Variants in CYTH3 observed in about 807,000 individuals in gnomAD.
CYTH3 encodes cytohesin 3, also known as cytohesin-3.
Under a neutral mutation model 55.1 loss-of-function variants are expected in CYTH3, and 23 were observed. The observed-to-expected ratio is 0.42, with a 90% confidence interval of 0.30 to 0.59. The LOEUF is 0.59. Ranked by LOEUF, CYTH3 falls within the 20% of genes least tolerant of loss-of-function variation. CYTH3 has a pLI of 0.20. For synonymous variants in CYTH3, 249 were observed against 194.9 expected, an observed-to-expected ratio of 1.28 and a Z score of -2.31; for missense variants, 413 against 524.8, an observed-to-expected ratio of 0.79 and a Z score of 2.08.
At chr7:6,259,813 AATATATATAT>A (rs1207550144) in intron 1 of CYTH3, among the ~76,000 whole-genome samples, 2 of 25,454 alleles carry the variant, frequency 7.9e-5, no homozygotes, top group Non-Finnish European at 1.1e-4. Context: ...ATATATATAT[AATATATATAT>A]ATATATATAT....
At chr7:6,195,098 C>T (rs1421723999) in intron 1 of CYTH3, among the ~76,000 whole-genome samples, 2 of 152,080 alleles carry the variant, frequency 1.3e-5, no homozygotes, top group Admixed American at 6.6e-5. Context: ...AAAAGCTGTT[C>T]ATCACAGAAA....
chr7:6,257,149 C>T (rs1013207805), intron 1 of CYTH3, among the ~76,000 whole-genome samples: 1 of 152,074 alleles, frequency 6.6e-6, no homozygotes, highest in Non-Finnish European at 1.5e-5. Context: ...CATTTATTCT[C>T]GAAATGTGTC....
At chr7:6,187,756 G>A in intron 2 of CYTH3, 35 bp from the exon 3 acceptor site, 2 of 1,568,348 alleles carry the variant, frequency 1.3e-6, no homozygotes, top group South Asian at 1.1e-5. Context: ...GTGGGGAGTG[G>A]GTCTTAACCT....
chr7:6,258,935 G>A (rs1198418011), intron 1 of CYTH3, among the ~76,000 whole-genome samples: 1 of 152,114 alleles, frequency 6.6e-6, no homozygotes, highest in African/African-American at 2.4e-5. Context: ...CAACCCAGAT[G>A]TTCACTAAAA....
chr7:6,272,574 C>T lies in CYTH3; in HGVS notation c.-67G>A. 8.7e-7 allele frequency: 1 copy of T among 1,143,470 alleles called. No homozygotes were observed. The highest frequency in any genetic ancestry group is 1.1e-6 in the Non-Finnish European group (1 of 929,202). 70.8% of individuals were successfully genotyped at this position (1,143,470 alleles called of 1,614,324 possible). On this transcript the variant is annotated 5_prime_UTR_variant, in exon 1 of 13. Transcript: ENST00000350796. ...CAGAGGGGCCGCGGGCTGGGGACGC[C>T]GCCGGAGGGAGCGCGCAGGCGACCG...
In CYTH3 at chr7:6,185,507, T is replaced by C. The variant is rs528356550; in HGVS notation, c.249+1543A>G. On this transcript the variant is annotated intron_variant, in intron 4 of 12. Coordinates refer to ENST00000350796, the MANE Select transcript of CYTH3 (RefSeq NM_004227.4). The stretch of plus-strand genomic sequence containing the variant: ...GTCAGGAGATCGAGACCATCCTAGC[T>C]AACACAGTGAAACCCCGTCTCTACT... 2.5e-4 allele frequency among the ~76,000 whole-genome samples: 38 copies of C among 152,038 alleles called. No homozygotes were observed. In the East Asian group the frequency reaches 4.5e-3, roughly 18 times the overall value.
chr7:6,263,090 C>A (rs11768749), intron 1 of CYTH3, among the ~76,000 whole-genome samples: 9,546 of 152,194 alleles, frequency 0.063, 807 homozygotes, highest in African/African-American at 0.19. Context: ...TCCAAGCTGA[C>A]AGTATGTCCA....
intron 1 of CYTH3, among the ~76,000 whole-genome samples, chr7:6,224,952 C>G (rs1779203138): frequency 6.6e-6 from 1 of 152,108 alleles, no homozygotes; most frequent in Non-Finnish European, 1.5e-5. Flanking sequence ...TGCAAAAGAC[C>G]ACATACTGCT....
At chr7:6,229,140 C>A (rs1033697422) in intron 1 of CYTH3, among the ~76,000 whole-genome samples, 2 of 152,208 alleles carry the variant, frequency 1.3e-5, no homozygotes, top group East Asian at 3.9e-4. Context: ...GTGTAGAGGA[C>A]CTAAAGAGGA....
At chr7:6,219,352 G>C (rs1274589219) in intron 1 of CYTH3, among the ~76,000 whole-genome samples, 1 of 152,202 alleles carries the variant, frequency 6.6e-6, no homozygotes, top group East Asian at 1.9e-4. Context: ...GCAGAAGAGA[G>C]AAATTAAGAG....
At chr7:6,182,181 G>C (rs1783520895) in intron 4 of CYTH3, among the ~76,000 whole-genome samples, 1 of 152,078 alleles carries the variant, frequency 6.6e-6, no homozygotes, top group Admixed American at 6.6e-5. Context: ...CCGAGTAGCT[G>C]AGATTACAGG....
At chr7:6,228,915 G>A (rs1202929999) in intron 1 of CYTH3, among the ~76,000 whole-genome samples, 1 of 152,188 alleles carries the variant, frequency 6.6e-6, no homozygotes, top group Admixed American at 6.5e-5. Context: ...TGAGGATGCA[G>A]TGACAAGGAA....
At chr7:6,183,607 G>A (rs190201008) in intron 4 of CYTH3, among the ~76,000 whole-genome samples, 23 of 152,308 alleles carry the variant, frequency 1.5e-4, no homozygotes, top group Admixed American at 3.9e-4. Flanking sequence ...GAATTTATTT[G>A]CTCTGACAAT....
chr7:6,165,469 G>GGGCAGGTTCCCT, intron 11 of CYTH3, 42 bp from the exon 12 acceptor site: 2 of 1,609,156 alleles, frequency 1.2e-6, no homozygotes, highest in South Asian at 2.2e-5. Context: ...GGGGGGCTTG[G>GGGCAGGTTCCCT]GGCAGGTTCC....
At chr7:6,204,072 T>A (rs1202871041) in intron 1 of CYTH3, among the ~76,000 whole-genome samples, 3 of 151,890 alleles carry the variant, frequency 2.0e-5, no homozygotes, top group African/African-American at 4.8e-5. Context: ...GAAACCAATA[T>A]TAAGTTGAAA....
At chr7:6,191,203 T>C (rs1783796340) in intron 1 of CYTH3, among the ~76,000 whole-genome samples, 1 of 152,030 alleles carries the variant, frequency 6.6e-6, no homozygotes, top group Non-Finnish European at 1.5e-5. Flanking sequence ...ATCCCAGCAC[T>C]TTGGGACACT....
intron 5 of CYTH3, among the ~76,000 whole-genome samples, chr7:6,175,994 C>G (rs571047303): frequency 7.9e-5 from 12 of 152,232 alleles, no homozygotes; most frequent in African/African-American, 2.9e-4. Context: ...ATAAGAAGTA[C>G]AATAAATCTG....
At chr7:6,181,926 CCATTTTT>C (rs1451654936) in intron 4 of CYTH3, among the ~76,000 whole-genome samples, 1 of 152,132 alleles carries the variant, frequency 6.6e-6, no homozygotes, top group Non-Finnish European at 1.5e-5. Context: ...TCACAATCCC[CCATTTTT>C]ATATCATGGA....
chr7:6,168,006 C>G (rs191130116), intron 9 of CYTH3, among the ~76,000 whole-genome samples: 26 of 152,272 alleles, frequency 1.7e-4, no homozygotes, highest in Admixed American at 1.4e-3. Flanking sequence ...GTCTCAGAGC[C>G]GAGCAGGCTC....
Sources: allele counts gnomAD v4.1 joint callset (sites outside exome capture counted in the v4.1 genomes callset), GRCh38; gene constraint gnomAD v4.1.1; transcripts MANE v1.5; gene names NCBI Gene and HGNC (gene_info 2026-07-23, HGNC 2026-07-21).